The following EYS variants were observed in gnomAD, a reference collection of about 807,000 sequenced individuals.
EYS encodes the protein protein eyes shut homolog.
A neutral mutation model predicts 282.1 loss-of-function variants in EYS; 250 were observed. The observed-to-expected ratio is 0.89, with a 90% confidence interval of 0.80 to 0.98. The LOEUF is 0.98. Among genes scored for constraint, EYS ranks in the 50% least tolerant of loss-of-function variants. The pLI, the probability that EYS is intolerant of heterozygous loss-of-function variation, is 0.00. For missense variants in EYS, 4,016 were observed against 3,709.0 expected (o/e 1.08, Z -2.15); for synonymous variants, 1,355 against 1,282.9 (o/e 1.06, Z -1.20).
chr6:65,238,384 G>T (rs986435237), intron 12 of EYS, among the ~76,000 whole-genome samples: 2 of 151,498 alleles, frequency 1.3e-5, no homozygotes, highest in Non-Finnish European at 3.0e-5. Flanking sequence ...ATAATCCAAA[G>T]CATCATCATG....
chr6:65,567,061 T>C (rs572306624), intron 2 of EYS, among the ~76,000 whole-genome samples: 2 of 152,020 alleles, frequency 1.3e-5, no homozygotes, highest in South Asian at 2.1e-4. Flanking sequence ...CCCTCATGAA[T>C]GGATTAATGC....
chr6:65,422,357 A>T (rs779278892), intron 5 of EYS, among the ~76,000 whole-genome samples: 2 of 151,950 alleles, frequency 1.3e-5, no homozygotes, highest in African/African-American at 2.4e-5. Context: ...CTAAAGTTGG[A>T]AGAATCTTAA....
At chr6:64,040,994 A>G (rs989599347) in intron 33 of EYS, among the ~76,000 whole-genome samples, 1 of 152,214 alleles carries the variant, frequency 6.6e-6, no homozygotes, top group Non-Finnish European at 1.5e-5. Context: ...TAAAAATTAG[A>G]ATAGACTCAA....
intron 2 of EYS, among the ~76,000 whole-genome samples, chr6:65,530,448 A>C (rs1767722940): frequency 6.6e-6 from 1 of 152,214 alleles, no homozygotes; most frequent in African/African-American, 2.4e-5. Context: ...CTACAAGATC[A>C]GGATTGTGTC....
intron 12 of EYS, among the ~76,000 whole-genome samples, chr6:65,234,110 T>A (rs1018071008): frequency 6.6e-6 from 1 of 152,136 alleles, no homozygotes; most frequent in Non-Finnish European, 1.5e-5. Flanking sequence ...TTATTAATAG[T>A]GTCCTTAGGC....
chr6:64,069,501 T>G, intron 32 of EYS, among the ~76,000 whole-genome samples: 1 of 144,848 alleles, frequency 6.9e-6, no homozygotes, highest in East Asian at 2.0e-4. Context: ...TTTATGATAA[T>G]GACATTGTTT....
At chr6:64,512,285 C>A (rs1212639304) in intron 26 of EYS, among the ~76,000 whole-genome samples, 2 of 151,978 alleles carry the variant, frequency 1.3e-5, no homozygotes, top group Non-Finnish European at 2.9e-5. Flanking sequence ...AGCGTCACTG[C>A]AAAGCATCAC....
Position 64,739,836 on chromosome 6 carries a change from TC to T in EYS, c.3443+73541del, listed in dbSNP as rs1331595091. On this transcript the variant is annotated intron_variant, in intron 22 of 42. Coordinates refer to ENST00000503581, the MANE Select transcript of EYS (RefSeq NM_001142800.2). ...GAATAACCCTATTAGGGTTCCTTCA[TC>T]CATTTTGTAGGGGCAGGGGAAATAT... Among the ~76,000 whole-genome samples, 6 of 152,146 alleles carry T rather than the reference TC, an allele frequency of 3.9e-5. No individual in the cohort carries two copies. The South Asian group carries it at 1.0e-3, about 26-fold the overall frequency.
intron 12 of EYS, among the ~76,000 whole-genome samples, chr6:65,083,502 G>C (rs920122370): frequency 1.3e-5 from 2 of 151,704 alleles, no homozygotes; most frequent in South Asian, 2.1e-4. Context: ...TATTTGTTTT[G>C]TTTCCTAGAT....
chr6:65,099,739 C>T (rs1774842313), intron 12 of EYS, among the ~76,000 whole-genome samples: 1 of 150,726 alleles, frequency 6.6e-6, no homozygotes, highest in Non-Finnish European at 1.5e-5. Flanking sequence ...CTTTCTACTA[C>T]ATTAATTGAA....
chr6:65,057,240 AT>A (rs1393486665), intron 13 of EYS, among the ~76,000 whole-genome samples: 4 of 152,078 alleles, frequency 2.6e-5, no homozygotes, highest in Admixed American at 2.0e-4. Context: ...TAAACAGATG[AT>A]TAGCTTAGAA....
intron 31 of EYS, among the ~76,000 whole-genome samples, chr6:64,126,813 A>G (rs557556780): frequency 6.6e-6 from 1 of 151,712 alleles, no homozygotes; most frequent in Admixed American, 6.6e-5. Flanking sequence ...TTAAAAATAT[A>G]TATACACATA....
At chr6:64,007,504 G>A (rs1768407604) in intron 33 of EYS, among the ~76,000 whole-genome samples, 1 of 151,564 alleles carries the variant, frequency 6.6e-6, no homozygotes, top group African/African-American at 2.4e-5. Context: ...GTTCAGTTCT[G>A]ATTTTGATTA....
chr6:64,700,417 C>T (rs1288722956), intron 22 of EYS, among the ~76,000 whole-genome samples: 1 of 151,878 alleles, frequency 6.6e-6, no homozygotes, highest in African/African-American at 2.4e-5. Flanking sequence ...TAAAAGGCAT[C>T]CAGATTGGAA....
At chr6:65,421,187 G>GT (rs888982204) in intron 5 of EYS, among the ~76,000 whole-genome samples, 77 of 150,068 alleles carry the variant, frequency 5.1e-4, no homozygotes, top group East Asian at 7.9e-4. Flanking sequence ...ATACTAGGCT[G>GT]TTTTTTTTTC....
Position 65,295,713 on chromosome 6 carries a change from T to C in EYS, c.2023+150A>G, listed in dbSNP as rs1209757618. ...GAAGCAATCCTATTATTCAAGTGAA[T>C]GCATTTTTTTTTTTACTTTGCCAAA... On this transcript the variant is annotated intron_variant, in intron 12 of 42. Coordinates refer to ENST00000503581, the MANE Select transcript of EYS (RefSeq NM_001142800.2). The C allele has an allele frequency of 5.2e-6, 3 of 573,898 alleles. No homozygotes were observed. The East Asian group carries it at 9.6e-5, about 18-fold the overall frequency. The allele number at this position is 573,898 out of a possible 1,614,324, so 35.6% of individuals were successfully genotyped here.
At chr6:64,598,982 G>A (rs537177158) in intron 24 of EYS, among the ~76,000 whole-genome samples, 7 of 152,192 alleles carry the variant, frequency 4.6e-5, no homozygotes, top group African/African-American at 7.2e-5. Context: ...AAAGGCCTGC[G>A]GGCAGGAAAA....
At chr6:64,410,720 A>C (rs1341090855) in intron 28 of EYS, among the ~76,000 whole-genome samples, 2 of 152,098 alleles carry the variant, frequency 1.3e-5, no homozygotes, top group Non-Finnish European at 2.9e-5. Flanking sequence ...TGACAAATAA[A>C]ACACATCAAC....
At chr6:63,968,629 T>C (rs897949689) in intron 35 of EYS, among the ~76,000 whole-genome samples, 1 of 152,212 alleles carries the variant, frequency 6.6e-6, no homozygotes, top group Non-Finnish European at 1.5e-5. Context: ...TTCTCTGTTC[T>C]ACAAGGCTCG....
Sources: gnomAD v4.1 joint callset for allele counts (sites outside exome capture counted in the v4.1 genomes callset) on GRCh38, gnomAD v4.1.1 for gene constraint, MANE v1.5 for transcripts, NCBI Gene and HGNC (gene_info 2026-07-23, HGNC 2026-07-21) for gene names.